Variants in HAS2 observed in about 807,000 individuals in gnomAD.
HAS2 encodes HA synthase 2.
Under a neutral mutation model 51.6 loss-of-function variants are expected in HAS2, and 16 were observed. The observed-to-expected ratio is 0.31, with a 90% confidence interval of 0.21 to 0.47. The LOEUF (loss-of-function observed/expected upper bound fraction) is 0.47, where lower values mean the gene tolerates loss of function less well. Among genes scored for constraint, HAS2 ranks in the 20% least tolerant of loss-of-function variants. HAS2 has a pLI of 1.00. For missense variants in HAS2, 361 were observed against 662.6 expected, an observed-to-expected ratio of 0.54 and a Z score of 5.00; for synonymous variants, 228 against 235.5, an observed-to-expected ratio of 0.97 and a Z score of 0.29.
intron 2 of HAS2, among the ~76,000 whole-genome samples, chr8:121,618,121 G>A (rs1483856361): frequency 6.6e-6 from 1 of 152,132 alleles, no homozygotes. Context: ...AGGGCACAGG[G>A]CTATAAACTG....
Position 121,613,761 on chromosome 8 carries a change from T to A in HAS2, c.*348A>T. 1 of 262,868 alleles carries A rather than the reference T, an allele frequency of 3.8e-6. No individual in the cohort carries two copies. The highest frequency in any genetic ancestry group is 7.4e-6 in the Non-Finnish European group (1 of 134,918). 16.3% of individuals were successfully genotyped at this position (262,868 alleles called of 1,614,324 possible). A position where few individuals can be genotyped will look rare whatever the true frequency, so the allele number is the denominator to read the frequency against. The stretch of plus-strand genomic sequence containing the variant: ...TTAGGTTGTATAGGTTGAAAGAACT[T>A]TTCCTTGAGTTTCCAAAATCCTTTT... On this transcript the variant is annotated 3_prime_UTR_variant, in exon 4 of 4. Transcript: ENST00000303924.
intron 2 of HAS2, among the ~76,000 whole-genome samples, chr8:121,626,562 T>A (rs1021433132): frequency 2.6e-5 from 4 of 152,328 alleles, no homozygotes; most frequent in African/African-American, 9.6e-5. Context: ...CCAAGTTCCA[T>A]CACTTGTAAT....
chr8:121,636,308 A>G (rs1813007655), intron 1 of HAS2, among the ~76,000 whole-genome samples: 1 of 152,128 alleles, frequency 6.6e-6, no homozygotes, highest in African/African-American at 2.4e-5. Flanking sequence ...ACCCAAATGA[A>G]GTCTCCCCGC....
At chr8:121,636,346 C>T (rs530708224) in intron 1 of HAS2, among the ~76,000 whole-genome samples, 3 of 152,114 alleles carry the variant, frequency 2.0e-5, no homozygotes, top group African/African-American at 7.2e-5. Context: ...AGCACATTAC[C>T]CCCTGGAACA....
At chr8:121,630,938 T>G (rs4871210) in intron 1 of HAS2, among the ~76,000 whole-genome samples, 29,229 of 152,108 alleles carry the variant, frequency 0.19, 2,897 homozygotes, top group Middle Eastern at 0.3. Context: ...TGGGAAACCT[T>G]AGTGTGGCTT....
chr8:121,634,985 A>G (rs1393371873), intron 1 of HAS2, among the ~76,000 whole-genome samples: 1 of 152,144 alleles, frequency 6.6e-6, no homozygotes, highest in East Asian at 1.9e-4. Flanking sequence ...GTACCCTTAC[A>G]GTGTTTATTG....
intron 2 of HAS2, among the ~76,000 whole-genome samples, chr8:121,621,139 T>G (rs1350812145): frequency 6.6e-6 from 1 of 152,202 alleles, no homozygotes; most frequent in Non-Finnish European, 1.5e-5. Context: ...GGGTTCAAAA[T>G]AACTGGTTAC....
intron 2 of HAS2, among the ~76,000 whole-genome samples, chr8:121,622,913 CAAAAGCTTTTTGAAATT>C (rs1812791983): frequency 6.6e-6 from 1 of 150,864 alleles, no homozygotes; most frequent in Admixed American, 6.6e-5. Context: ...TTTAGAGCTA[CAAAAGCTTTTTGAAATT>C]AATGAGTAAA....
intron 1 of HAS2, among the ~76,000 whole-genome samples, chr8:121,638,187 T>A (rs1178685591): frequency 2.6e-5 from 4 of 152,216 alleles, no homozygotes; most frequent in Non-Finnish European, 5.9e-5. Flanking sequence ...GGGAAAGTAT[T>A]TATGAAATTC....
intron 2 of HAS2, among the ~76,000 whole-genome samples, chr8:121,621,282 G>C (rs1812770360): frequency 6.6e-6 from 1 of 152,114 alleles, no homozygotes; most frequent in African/African-American, 2.4e-5. Context: ...TGAAGTGTAG[G>C]ATATTAAAAA....
intron 2 of HAS2, 91 bp from the exon 3 acceptor site, chr8:121,617,297 C>A: frequency 1.4e-6 from 1 of 699,018 alleles, no homozygotes; most frequent in Admixed American, 2.7e-5. Flanking sequence ...ATACTGTGTC[C>A]TCATCTTACT....
rs191103471 is a variant in HAS2 at position 121,629,823 on chromosome 8, C to T, written c.1-483G>A. 5.3e-5 allele frequency among the ~76,000 whole-genome samples: 8 copies of T among 152,248 alleles called. No homozygotes were observed. The East Asian group carries it at 1.5e-3, about 29-fold the overall frequency. On this transcript the variant is annotated intron_variant, in intron 1 of 3. Coordinates refer to ENST00000303924, the MANE Select transcript of HAS2 (RefSeq NM_005328.3). ...CTCATGTGTAATTTAATCTCACCTC[C>T]AATGTGTATTCTTCAACTTACATCC...
chr8:121,641,162 T>A lies in HAS2; in HGVS notation c.-310A>T, dbSNP rs3866465. The A allele has an allele frequency of 1.7e-5, 1 of 57,272 alleles. No homozygotes were observed. The highest frequency in any genetic ancestry group is 9.6e-5 in the African/African-American group (1 of 10,414). The allele number at this position is 57,272 out of a possible 1,614,324, so 3.5% of individuals were successfully genotyped here. ...TTTTCTTTTTTCTTTTCTTTTCTTT[T>A]TTTTTTTTTTTTTTTTTTGGGCTTC... On this transcript the variant is annotated 5_prime_UTR_variant, in exon 1 of 4. Transcript: ENST00000303924.
chr8:121,619,459 G>T (rs1380639308), intron 2 of HAS2, among the ~76,000 whole-genome samples: 1 of 151,750 alleles, frequency 6.6e-6, no homozygotes, highest in African/African-American at 2.4e-5. Flanking sequence ...TTATTTAGAA[G>T]AACTCATTTT....
intron 2 of HAS2, among the ~76,000 whole-genome samples, chr8:121,617,984 C>T (rs1812727780): frequency 6.8e-6 from 1 of 148,116 alleles, no homozygotes; most frequent in African/African-American, 2.5e-5. Context: ...TGTTTTTAAA[C>T]ACAATCTTTC....
rs1586500954 is a variant in HAS2, at chr8:121,614,141, C to T, written c.1627G>A (p.Gly543Arg). The T allele has an allele frequency of 1.2e-6, 2 of 1,614,046 alleles. No homozygotes were observed. The highest frequency in any genetic ancestry group is 4.5e-5 in the East Asian group (2 of 44,870). ...LINKCGRRKKGQQYDMVLDV is the reference protein window; with the variant it reads ...LINKCGRRKKRQQYDMVLDV ...TCAAGCACCATGTCATATTGTTGTC[C>T]CTTCTTCCGCCTGCCACACTTATTG... The change falls in exon 4 of 4, where the codon GGA becomes AGA. Residue 543 changes from glycine to arginine, a missense_variant. Gly to Arg is a moderately radical substitution (Grantham distance 125, BLOSUM62 -2). Transcript: ENST00000303924. This position sits in a 1 kb window ranked among gnomAD's most constrained non-coding sequence, Gnocchi z 7.2.
chr8:121,619,538 A>G (rs1259574248), intron 2 of HAS2, among the ~76,000 whole-genome samples: 2 of 151,930 alleles, frequency 1.3e-5, no homozygotes, highest in Non-Finnish European at 2.9e-5. Context: ...ACTTATTTTA[A>G]GAAAAAAAAA....
chr8:121,620,011 C>T (rs1405838979), intron 2 of HAS2, among the ~76,000 whole-genome samples: 1 of 152,124 alleles, frequency 6.6e-6, no homozygotes, highest in African/African-American at 2.4e-5. Flanking sequence ...TGGTCCCTGC[C>T]CCTCCCAATT....
rs199934029 is a variant in HAS2, at chr8:121,628,869, C to A, written c.472G>T (p.Gly158Cys). Residue 158 changes from glycine to cysteine, a missense_variant, in exon 2 of 4, where the codon GGT becomes TGT. This residue lies in a region of HAS2 where 145 missense variants were observed against 217.6 expected (regional missense o/e 0.67). Coordinates refer to ENST00000303924, the MANE Select transcript of HAS2 (RefSeq NM_005328.3). ...TCTTTATGTGACTCATCTGTCTCACCGGGACCCTTTTCGTGGAAGTTGTTC... is the reference window on the plus strand; with the variant it reads ...TCTTTATGTGACTCATCTGTCTCACAGGGACCCTTTTCGTGGAAGTTGTTC... ...WKNNFHEKGP[G>C]ETDESHKESS... 1 of 1,613,956 alleles carries A rather than the reference C, an allele frequency of 6.2e-7. No homozygotes were observed. The highest frequency in any genetic ancestry group is 1.7e-5 in the Admixed American group (1 of 59,996).
Sources: gnomAD v4.1 joint callset for allele counts (sites outside exome capture counted in the v4.1 genomes callset) on GRCh38, gnomAD v4.1.1 for gene constraint, gnomAD v4.1.1 regional missense constraint, Gnocchi (gnomAD v3.1) non-coding constraint, MANE v1.5 for transcripts, NCBI Gene and HGNC (gene_info 2026-07-23, HGNC 2026-07-21) for gene names.